Variants in RNF38 observed in about 807,000 individuals in gnomAD.
RNF38 encodes E3 ubiquitin-protein ligase RNF38.
Under a neutral mutation model 67.2 loss-of-function variants are expected in RNF38, and 15 were observed. The observed-to-expected ratio is 0.22, with a 90% confidence interval of 0.15 to 0.34. The LOEUF (loss-of-function observed/expected upper bound fraction) is 0.34, where lower values mean the gene tolerates loss of function less well. RNF38 is among the 10% of genes least tolerant of loss of function. RNF38 has a pLI of 1.00. For synonymous variants in RNF38, 220 were observed against 218.8 expected, an observed-to-expected ratio of 1.01 and a Z score of -0.05; for missense variants, 524 against 639.9, an observed-to-expected ratio of 0.82 and a Z score of 1.95.
At chr9:36,375,804 G>T in intron 3 of RNF38, 130 bp downstream of exon 3, 1 of 769,550 alleles carries the variant, frequency 1.3e-6, no homozygotes. Flanking sequence ...TCTTTTTCGT[G>T]AGTGAATGTA....
chr9:36,424,388 G>A (rs1054653561), intron 2 of RNF38, among the ~76,000 whole-genome samples: 2 of 152,168 alleles, frequency 1.3e-5, no homozygotes, highest in African/African-American at 4.8e-5. Flanking sequence ...TAGGAAAGTG[G>A]AGTGTTGATC....
upstream of RNF38, chr9:36,400,732 C>A: frequency 1.0e-6 from 1 of 985,680 alleles, no homozygotes; most frequent in South Asian, 4.7e-5. Context: ...TCCTTCCTCC[C>A]GGCACCATCA....
At chr9:36,481,503 T>C (rs946238760) in intron 1 of RNF38, among the ~76,000 whole-genome samples, 20 of 152,234 alleles carry the variant, frequency 1.3e-4, no homozygotes, top group African/African-American at 4.6e-4. Flanking sequence ...AAGAATTGTT[T>C]ATTTCCCTTC....
At chr9:36,407,041 A>C (rs1445874366) in intron 2 of RNF38, among the ~76,000 whole-genome samples, 1 of 152,218 alleles carries the variant, frequency 6.6e-6, no homozygotes, top group African/African-American at 2.4e-5. Context: ...ATAAAGCTGC[A>C]CTGAGGGAAA....
upstream of RNF38, chr9:36,400,857 G>T (rs548772777): frequency 5.1e-5 from 47 of 924,702 alleles, no homozygotes; most frequent in African/African-American, 9.9e-4. Flanking sequence ...CCTCGGCCCC[G>T]TCCCGCAACA....
At chr9:36,486,156 AT>A (rs1482736403) in intron 1 of RNF38, among the ~76,000 whole-genome samples, 3 of 150,608 alleles carry the variant, frequency 2.0e-5, no homozygotes, top group African/African-American at 7.4e-5. Flanking sequence ...TCCCCATTCT[AT>A]TTTCTAGCTC....
At chr9:36,476,963 A>G (rs1840134133) in intron 1 of RNF38, among the ~76,000 whole-genome samples, 1 of 152,142 alleles carries the variant, frequency 6.6e-6, no homozygotes, top group African/African-American at 2.4e-5. Context: ...CGTAAATGCT[A>G]ATTACAGCAA....
chr9:36,456,480 G>A (rs866042232), intron 1 of RNF38, among the ~76,000 whole-genome samples: 26 of 152,226 alleles, frequency 1.7e-4, no homozygotes, highest in African/African-American at 3.4e-4. Context: ...CATAAACATC[G>A]CTAACATCAA....
At chr9:36,481,773 G>A (rs535512462) in intron 1 of RNF38, among the ~76,000 whole-genome samples, 2 of 152,180 alleles carry the variant, frequency 1.3e-5, no homozygotes, top group Admixed American at 6.6e-5. Context: ...TAGGAAGTCC[G>A]GTCTTGTCCT....
At chr9:36,461,042 C>T (rs966434510) in intron 1 of RNF38, among the ~76,000 whole-genome samples, 8 of 152,206 alleles carry the variant, frequency 5.3e-5, no homozygotes, top group Non-Finnish European at 1.0e-4. Context: ...GGGGAAACCC[C>T]GTATCTACTA....
intron 9 of RNF38, among the ~76,000 whole-genome samples, chr9:36,345,846 C>T (rs1438734007): frequency 6.6e-6 from 1 of 152,128 alleles, no homozygotes; most frequent in Non-Finnish European, 1.5e-5. Flanking sequence ...TGTAGAAATT[C>T]CCAGTTTGAA....
intron 6 of RNF38, among the ~76,000 whole-genome samples, chr9:36,353,534 A>G (rs1833857152): frequency 6.6e-6 from 1 of 152,164 alleles, no homozygotes; most frequent in Non-Finnish European, 1.5e-5. Flanking sequence ...TGATTTCAAC[A>G]AGGTTTAAAA....
At chr9:36,437,086 T>C (rs1839087881) in intron 1 of RNF38, among the ~76,000 whole-genome samples, 1 of 152,138 alleles carries the variant, frequency 6.6e-6, no homozygotes, top group Admixed American at 6.5e-5. Context: ...ACAAGGCCAC[T>C]TGGGCTGCAG....
chr9:36,458,057 T>C (rs767510331), intron 1 of RNF38, among the ~76,000 whole-genome samples: 3 of 152,170 alleles, frequency 2.0e-5, no homozygotes, highest in Non-Finnish European at 2.9e-5. Flanking sequence ...AGGCAGTCCA[T>C]TGATGGTTGC....
At chr9:36,393,477 T>TTG (rs58913703) in intron 1 of RNF38, among the ~76,000 whole-genome samples, 5,760 of 87,660 alleles carry the variant, frequency 0.066, 147 homozygotes, top group East Asian at 0.13. Flanking sequence ...CACACACACA[T>TTG]TGTGTGTGTG....
intron 4 of RNF38, among the ~76,000 whole-genome samples, chr9:36,364,520 T>C (rs1200455704): frequency 6.6e-6 from 1 of 152,212 alleles, no homozygotes; most frequent in Admixed American, 6.5e-5. Context: ...GTTGTATATG[T>C]GGTCTGTTGG....
intron 1 of RNF38, among the ~76,000 whole-genome samples, chr9:36,483,558 A>C (rs2134461598): frequency 6.6e-6 from 1 of 152,328 alleles, no homozygotes; most frequent in Middle Eastern, 3.4e-3. Flanking sequence ...AGAAAGGTCT[A>C]GTAGAGAAGG....
At chr9:36,365,143 T>C (rs1199252681) in intron 4 of RNF38, among the ~76,000 whole-genome samples, 1 of 151,970 alleles carries the variant, frequency 6.6e-6, no homozygotes, top group Non-Finnish European at 1.5e-5. Context: ...GACAGAATCA[T>C]CTTCTCAAGT....
intron 3 of RNF38, among the ~76,000 whole-genome samples, chr9:36,371,053 C>G (rs1457574097): frequency 6.6e-6 from 1 of 152,166 alleles, no homozygotes; most frequent in Non-Finnish European, 1.5e-5. Context: ...TTTACAATGG[C>G]TCAGCACAAA....
Sources: allele counts gnomAD v4.1 joint callset (sites outside exome capture counted in the v4.1 genomes callset), GRCh38; gene constraint gnomAD v4.1.1; transcripts MANE v1.5; gene names NCBI Gene and HGNC (gene_info 2026-07-23, HGNC 2026-07-21).